The following DPYD variants were observed in gnomAD, a reference collection of about 807,000 sequenced individuals.
DPYD encodes the protein dihydropyrimidine dehydrogenase.
DPYD carries 109 observed loss-of-function variants against 116.2 expected under a neutral mutation model. That is an observed-to-expected ratio of 0.94 (90% confidence interval 0.80 to 1.10). DPYD has a LOEUF of 1.10. DPYD is among the 50% of genes least tolerant of loss of function. The pLI is 0.00. For missense variants in DPYD, 1,302 were observed against 1,254.5 expected (o/e 1.04, Z -0.57); for synonymous variants, 440 against 432.0 (o/e 1.02, Z -0.23).
chr1:97,744,794 T>C (rs1571287124), intron 3 of DPYD, among the ~76,000 whole-genome samples: 1 of 152,010 alleles, frequency 6.6e-6, no homozygotes. Flanking sequence ...TCTTCCTCAG[T>C]GGTGCAACAT....
intron 4 of DPYD, among the ~76,000 whole-genome samples, chr1:97,724,109 C>G (rs1223055585): frequency 6.6e-6 from 1 of 151,436 alleles, no homozygotes; most frequent in Admixed American, 6.6e-5. Context: ...CAAAAGCTAT[C>G]AACAAACTGC....
chr1:97,704,420 TA>T (rs1022037801), intron 5 of DPYD, among the ~76,000 whole-genome samples: 56 of 151,572 alleles, frequency 3.7e-4, no homozygotes, highest in African/African-American at 1.2e-3. Context: ...TTGTGTAAGT[TA>T]AAAAAAAGAG....
At chr1:97,677,592 T>C (rs917879536) in intron 8 of DPYD, among the ~76,000 whole-genome samples, 6 of 152,100 alleles carry the variant, frequency 3.9e-5, no homozygotes, top group African/African-American at 1.4e-4. Context: ...AAATATCAGA[T>C]CTTGCCTCCT....
chr1:97,432,103 C>T (rs539926660), intron 14 of DPYD, among the ~76,000 whole-genome samples: 60 of 152,216 alleles, frequency 3.9e-4, no homozygotes, highest in South Asian at 4.1e-4. Context: ...TTAGTCCATT[C>T]ATCCATTGAT....
chr1:97,918,006 T>C (rs1220906195), intron 1 of DPYD, among the ~76,000 whole-genome samples: 1 of 152,150 alleles, frequency 6.6e-6, no homozygotes, highest in Non-Finnish European at 1.5e-5. Context: ...TGTCCAATAC[T>C]AACCTTCTTT....
chr1:97,495,266 T>C (rs888503179), intron 13 of DPYD, among the ~76,000 whole-genome samples: 44 of 152,064 alleles, frequency 2.9e-4, no homozygotes, highest in African/African-American at 1.0e-3. Flanking sequence ...TGTCAAAACA[T>C]ACTTTGGGGA....
At chr1:97,548,862 G>A (rs1028454931) in intron 12 of DPYD, among the ~76,000 whole-genome samples, 1 of 151,940 alleles carries the variant, frequency 6.6e-6, no homozygotes, top group African/African-American at 2.4e-5. Flanking sequence ...ACCTTATCTG[G>A]TCCAAATGAA....
At chr1:97,898,375 G>A (rs1673187299) in intron 1 of DPYD, among the ~76,000 whole-genome samples, 1 of 151,714 alleles carries the variant, frequency 6.6e-6, no homozygotes, top group Non-Finnish European at 1.5e-5. Context: ...TAGACTTTCA[G>A]CTCTGTCTCT....
chr1:97,751,429 CGTGT>C lies in DPYD; in HGVS notation c.234-10954_234-10951del, dbSNP rs564067118. ...ATATACGTGTATATATATATGTATA[CGTGT>C]GTGTGTGTGTGTGTGTGTGTGTGTG... On this transcript the variant is annotated intron_variant, in intron 3 of 22. Coordinates refer to ENST00000370192, the MANE Select transcript of DPYD (RefSeq NM_000110.4). Among the ~76,000 whole-genome samples the C allele has an allele frequency of 3.2e-3, 170 of 53,024 alleles. 3 individuals carry two copies. The highest frequency in any genetic ancestry group is 0.011 in the African/African-American group (136 of 12,892). The allele number at this position is 53,024 out of a possible 152,430, so 34.8% of individuals were successfully genotyped here.
At chr1:97,788,327 A>G (rs1230811059) in intron 3 of DPYD, among the ~76,000 whole-genome samples, 1 of 152,198 alleles carries the variant, frequency 6.6e-6, no homozygotes, top group Non-Finnish European at 1.5e-5. Context: ...GCTCCTTTAG[A>G]ATCCAGACCT....
At chr1:97,618,018 T>C (rs1471139486) in intron 8 of DPYD, among the ~76,000 whole-genome samples, 1 of 152,190 alleles carries the variant, frequency 6.6e-6, no homozygotes, top group Non-Finnish European at 1.5e-5. Flanking sequence ...CTGATAACTA[T>C]ATAAGAAACC....
chr1:97,812,761 A>G (rs1197791309), intron 3 of DPYD, among the ~76,000 whole-genome samples: 1 of 152,154 alleles, frequency 6.6e-6, no homozygotes, highest in African/African-American at 2.4e-5. Flanking sequence ...AGGTATGTCT[A>G]GAAATTATTA....
chr1:97,905,418 T>A (rs1324515635), intron 1 of DPYD, among the ~76,000 whole-genome samples: 1 of 151,992 alleles, frequency 6.6e-6, no homozygotes, highest in African/African-American at 2.4e-5. Context: ...CTCCAGTGAA[T>A]CAGTTTTATA....
intron 8 of DPYD, among the ~76,000 whole-genome samples, chr1:97,639,915 T>C (rs557514238): frequency 4.1e-4 from 62 of 152,294 alleles, no homozygotes; most frequent in African/African-American, 1.5e-3. Context: ...GGTTTCTGAG[T>C]GACACTGATT....
intron 20 of DPYD, among the ~76,000 whole-genome samples, chr1:97,108,997 T>C (rs575829065): frequency 6.6e-6 from 1 of 152,226 alleles, no homozygotes; most frequent in Admixed American, 6.5e-5. Context: ...TGATCATTGA[T>C]CTTAGAACGC....
intron 18 of DPYD, among the ~76,000 whole-genome samples, chr1:97,239,515 C>G (rs1008849094): frequency 2.0e-5 from 3 of 151,746 alleles, no homozygotes; most frequent in Non-Finnish European, 4.4e-5. Flanking sequence ...AACTATATAT[C>G]TACGCTTGAC....
At chr1:97,692,665 G>C (rs139255559) in intron 6 of DPYD, among the ~76,000 whole-genome samples, 2 of 152,290 alleles carry the variant, frequency 1.3e-5, no homozygotes, top group Admixed American at 6.5e-5. Flanking sequence ...GCAATGATTT[G>C]ATGGTGAATT....
intron 20 of DPYD, among the ~76,000 whole-genome samples, chr1:97,139,906 G>A (rs960945476): frequency 1.3e-5 from 2 of 152,130 alleles, no homozygotes; most frequent in Non-Finnish European, 2.9e-5. Flanking sequence ...AAAAAGTGCT[G>A]TAATTTTCTC....
intron 2 of DPYD, among the ~76,000 whole-genome samples, chr1:97,838,201 T>C (rs889323806): frequency 6.6e-6 from 1 of 152,186 alleles, no homozygotes; most frequent in African/African-American, 2.4e-5. Context: ...GCATTTTGTT[T>C]AGTATGTTTC....
Sources: gnomAD v4.1 joint callset for allele counts (sites outside exome capture counted in the v4.1 genomes callset) on GRCh38, gnomAD v4.1.1 for gene constraint, MANE v1.5 for transcripts, NCBI Gene and HGNC (gene_info 2026-07-23, HGNC 2026-07-21) for gene names.